RBPMS: variants seen among roughly 807,000 people sequenced by gnomAD.
RBPMS encodes the protein RNA binding protein, mRNA processing factor, also known as RNA-binding protein with multiple splicing.
Under a neutral mutation model 26.8 loss-of-function variants are expected in RBPMS, and 7 were observed. The observed-to-expected ratio is 0.26, with a 90% CI of 0.15 to 0.49. The LOEUF (loss-of-function observed/expected upper bound fraction) is 0.49, where lower values mean the gene tolerates loss of function less well. Ranked by LOEUF, RBPMS falls within the 20% of genes least tolerant of loss-of-function variation. The pLI, the probability that RBPMS is intolerant of heterozygous loss-of-function variation, is 0.98. For synonymous variants in RBPMS, 96 were observed against 93.3 expected (o/e 1.03, Z -0.17); for missense variants, 186 against 250.0 (o/e 0.74, Z 1.73).
chr8:30,452,826 T>G (rs1287864901), intron 1 of RBPMS, among the ~76,000 whole-genome samples: 1 of 152,218 alleles, frequency 6.6e-6, no homozygotes. Flanking sequence ...ATATGCTATT[T>G]GTCTAAAAAC....
At chr8:30,421,961 GAAAAAAGAA>G in intron 1 of RBPMS, among the ~76,000 whole-genome samples, 1 of 8,104 alleles carries the variant, frequency 1.2e-4, no homozygotes, top group African/African-American at 1.0e-3. Flanking sequence ...TCTCAAAAAA[GAAAAAAGAA>G]AAAAAAAGCT....
chr8:30,473,794 G>A (rs141159904), intron 1 of RBPMS, among the ~76,000 whole-genome samples: 1 of 152,232 alleles, frequency 6.6e-6, no homozygotes, highest in East Asian at 1.9e-4. Flanking sequence ...GTCCTTTGCA[G>A]GGACATGGGT....
chr8:30,431,023 T>A (rs28677100), intron 1 of RBPMS, among the ~76,000 whole-genome samples: 3,094 of 152,304 alleles, frequency 0.02, 126 homozygotes, highest in African/African-American at 0.071. Context: ...TGAAGCGGTT[T>A]TCAGATGTAT....
rs543490265 is a variant in RBPMS, at chr8:30,560,336, G to T, written c.*7+1380G>T. ...GAGTCAGAAGACCCCTTCTGTGTTC[G>T]CAAAGGAGAGGTCTCAGCAGACAGT... On this transcript the variant is annotated intron_variant, in intron 7 of 8. Transcript: ENST00000397323. 2.6e-5 allele frequency among the ~76,000 whole-genome samples: 4 copies of T among 152,228 alleles called. No homozygotes were observed. The South Asian group carries it at 8.3e-4, about 32-fold the overall frequency.
chr8:30,452,641 G>A (rs1480699095), intron 1 of RBPMS, among the ~76,000 whole-genome samples: 1 of 152,178 alleles, frequency 6.6e-6, no homozygotes, highest in African/African-American at 2.4e-5. Context: ...CTATAATGAT[G>A]CCTAGGTAGG....
intron 5 of RBPMS, among the ~76,000 whole-genome samples, chr8:30,519,474 T>C (rs1321262410): frequency 0.059 from 1,259 of 21,288 alleles, 131 homozygotes; most frequent in African/African-American, 0.19. Context: ...TTTTTTTTTT[T>C]TTTTTTTTTT....
intron 4 of RBPMS, among the ~76,000 whole-genome samples, chr8:30,495,405 A>C (rs1007082026): frequency 6.6e-6 from 1 of 152,090 alleles, no homozygotes; most frequent in Non-Finnish European, 1.5e-5. Flanking sequence ...GCCCAGACTC[A>C]TGGCCCAGCA....
At chr8:30,460,216 A>T (rs1815725926) in intron 1 of RBPMS, among the ~76,000 whole-genome samples, 1 of 152,246 alleles carries the variant, frequency 6.6e-6, no homozygotes, top group Non-Finnish European at 1.5e-5. Flanking sequence ...AAAAATCCAA[A>T]CTTAAAAATA....
rs1157529648 is a variant in RBPMS, at chr8:30,560,614, A to G, written c.*7+1658A>G. On this transcript the variant is annotated intron_variant, in intron 7 of 8. Transcript: ENST00000397323. The stretch of plus-strand genomic sequence containing the variant: ...CATATTCGAGTGTGGCCAAATAATA[A>G]TAGTCCTCAGGGGCAATCGCAGGTG... 2.0e-5 allele frequency among the ~76,000 whole-genome samples: 3 copies of G among 152,230 alleles called. No homozygotes were observed. The East Asian group carries it at 5.8e-4, about 29-fold the overall frequency.
intron 1 of RBPMS, among the ~76,000 whole-genome samples, chr8:30,388,067 G>T (rs566839029): frequency 6.6e-6 from 1 of 152,000 alleles, no homozygotes. Context: ...TTAACTTTCC[G>T]ATTTTTAATG....
chr8:30,443,116 C>T (rs1236527171), intron 1 of RBPMS, among the ~76,000 whole-genome samples: 7 of 152,176 alleles, frequency 4.6e-5, no homozygotes, highest in Non-Finnish European at 1.0e-4. Flanking sequence ...GTGATAGAGT[C>T]ACCTCAAGCC....
chr8:30,528,893 A>ATT (rs35909625), intron 5 of RBPMS, among the ~76,000 whole-genome samples: 5 of 150,942 alleles, frequency 3.3e-5, no homozygotes, highest in Admixed American at 1.3e-4. Context: ...ACAACTCAGT[A>ATT]TTTTTTTTTG....
chr8:30,435,781 G>A (rs1299850875), intron 1 of RBPMS, among the ~76,000 whole-genome samples: 1 of 152,130 alleles, frequency 6.6e-6, no homozygotes, highest in African/African-American at 2.4e-5. Context: ...GTGACTGGAA[G>A]GAAAAGAAAC....
intron 7 of RBPMS, chr8:30,563,990 C>T (rs568073572): frequency 1.3e-5 from 2 of 152,336 alleles, no homozygotes; most frequent in Admixed American, 1.3e-4. Flanking sequence ...GCTGCAGCGT[C>T]CTGGGGAGGA....
intron 6 of RBPMS, chr8:30,549,372 G>C (rs1826110246): frequency 1.3e-6 from 1 of 771,100 alleles, no homozygotes; most frequent in Non-Finnish European, 2.3e-6. Context: ...TGGCTATCCG[G>C]AAAACGACAG....
At chr8:30,427,386 C>T (rs1355840020) in intron 1 of RBPMS, among the ~76,000 whole-genome samples, 1 of 152,160 alleles carries the variant, frequency 6.6e-6, no homozygotes, top group Non-Finnish European at 1.5e-5. Context: ...CCCTGTCTCT[C>T]CCTACTGCCA....
At chr8:30,434,704 GAAA>G (rs57092916) in intron 1 of RBPMS, among the ~76,000 whole-genome samples, 8 of 99,368 alleles carry the variant, frequency 8.1e-5, no homozygotes, top group Non-Finnish European at 1.5e-4. Context: ...ACTCTGCCTC[GAAA>G]AAAAAAAAAA....
intron 5 of RBPMS, among the ~76,000 whole-genome samples, chr8:30,514,225 C>T (rs1037576129): frequency 1.3e-5 from 2 of 152,080 alleles, no homozygotes; most frequent in African/African-American, 4.8e-5. Flanking sequence ...GTTATTTAAC[C>T]TCAGCTCTTC....
intron 1 of RBPMS, among the ~76,000 whole-genome samples, chr8:30,436,925 C>CTT (rs370802180): frequency 0.15 from 21,293 of 139,942 alleles, 4,088 homozygotes; most frequent in African/African-American, 0.46. Flanking sequence ...ATATATGTAG[C>CTT]TTTTTTTTTT....
Sources: gnomAD v4.1 joint callset for allele counts (sites outside exome capture counted in the v4.1 genomes callset) on GRCh38, gnomAD v4.1.1 for gene constraint, MANE v1.5 for transcripts, NCBI Gene and HGNC (gene_info 2026-07-23, HGNC 2026-07-21) for gene names.